Variants in TCF7L2 observed in about 807,000 individuals in gnomAD.
The protein encoded by TCF7L2 is transcription factor 7 like 2.
TCF7L2 carries 23 observed loss-of-function variants against 77.9 expected under a neutral mutation model. The ratio of observed to expected loss-of-function variants is 0.30; its 90% CI spans 0.21 to 0.42. The LOEUF is 0.42. TCF7L2 is among the 10% of genes least tolerant of loss of function. The probability of loss-of-function intolerance (pLI) is 1.00; values close to 1 mark genes in which losing one functional copy is unlikely to be tolerated. For synonymous variants in TCF7L2, 413 were observed against 340.2 expected (o/e 1.21, Z -2.36); for missense variants, 654 against 793.1 (o/e 0.82, Z 2.11).
chr10:113,110,196 A>G (rs889876889), intron 5 of TCF7L2, among the ~76,000 whole-genome samples: 23 of 152,318 alleles, frequency 1.5e-4, no homozygotes, highest in African/African-American at 4.8e-4. Context: ...TGCATTTTAA[A>G]AAATATTATC....
intron 5 of TCF7L2, among the ~76,000 whole-genome samples, chr10:113,134,762 C>T (rs2067150754): frequency 2.0e-5 from 3 of 152,154 alleles, no homozygotes; most frequent in African/African-American, 7.2e-5. Context: ...GAATGGTGTC[C>T]CTTCCTGATG....
chr10:113,125,204 G>A (rs1033161410), intron 5 of TCF7L2, among the ~76,000 whole-genome samples: 8 of 150,938 alleles, frequency 5.3e-5, no homozygotes, highest in African/African-American at 9.8e-5. Context: ...GGGACGAATC[G>A]CTCGTTCTCT....
intron 4 of TCF7L2, among the ~76,000 whole-genome samples, chr10:113,032,789 C>G (rs2050471644): frequency 6.6e-6 from 1 of 152,186 alleles, no homozygotes; most frequent in Non-Finnish European, 1.5e-5. Context: ...TTCCACCTTT[C>G]TGCCCATTTA....
chr10:112,952,879 C>G (rs1254146743), intron 3 of TCF7L2, among the ~76,000 whole-genome samples: 1 of 151,664 alleles, frequency 6.6e-6, no homozygotes, highest in African/African-American at 2.4e-5. Context: ...TCATCCCTCC[C>G]TCCCTCTTCT....
intron 4 of TCF7L2, among the ~76,000 whole-genome samples, chr10:113,025,086 C>T (rs1209703321): frequency 6.6e-6 from 1 of 152,070 alleles, no homozygotes; most frequent in South Asian, 2.1e-4. Flanking sequence ...GAGATAGGGT[C>T]TTGCTCTGTT....
Position 113,151,062 on chromosome 10 carries a change from A to G in TCF7L2, c.940A>G (p.Ile314Val). The G allele has an allele frequency of 6.2e-7, 1 of 1,614,200 alleles. No homozygotes were observed. The highest frequency in any genetic ancestry group is 8.5e-7 in the Non-Finnish European group (1 of 1,180,032). The change falls in exon 9 of 14, where the codon ATA becomes GTA. Residue 314 changes from isoleucine to valine, a missense_variant. Physicochemically the swap from Ile to Val is conservative, Grantham distance 29. Around this residue, in one of 6 missense-constraint regions of TCF7L2, gnomAD observed 179 missense variants for 270.6 expected, o/e 0.66. Coordinates refer to ENST00000627217, the MANE Select transcript of TCF7L2 (RefSeq NM_001146274.2). The surrounding 1 kb of genome is among the most constrained non-coding windows in gnomAD (Gnocchi z 5.2). ...CACGACGGGCATTCCGCATCCGGCC[A>G]TAGTCACACCAACAGTCAAACAGGA...
intron 5 of TCF7L2, among the ~76,000 whole-genome samples, chr10:113,056,615 G>A (rs1283023907): frequency 6.6e-6 from 1 of 152,120 alleles, no homozygotes; most frequent in Non-Finnish European, 1.5e-5. Context: ...TTTTGCCTAA[G>A]GAATTACATT....
intron 5 of TCF7L2, among the ~76,000 whole-genome samples, chr10:113,046,417 T>G (rs1230232763): frequency 6.6e-6 from 1 of 152,190 alleles, no homozygotes; most frequent in Non-Finnish European, 1.5e-5. Context: ...GGTGGTAGAC[T>G]GTTTCTTTTT....
intron 5 of TCF7L2, among the ~76,000 whole-genome samples, chr10:113,063,904 G>C (rs2056877211): frequency 6.6e-6 from 1 of 151,134 alleles, no homozygotes; most frequent in African/African-American, 2.4e-5. Flanking sequence ...GTGTGTGTGT[G>C]TGTGTGTGTG....
intron 4 of TCF7L2, among the ~76,000 whole-genome samples, chr10:112,967,849 G>C (rs1038795835): frequency 2.0e-5 from 3 of 151,986 alleles, no homozygotes; most frequent in Non-Finnish European, 4.4e-5. Context: ...TGGTCAGGCT[G>C]GTCTCGAACT....
chr10:113,023,281 T>C (rs2048532631), intron 4 of TCF7L2, among the ~76,000 whole-genome samples: 1 of 152,194 alleles, frequency 6.6e-6, no homozygotes. Flanking sequence ...TGTATTCACC[T>C]GCACCTGAGT....
chr10:113,153,946 G>A (rs996088900), intron 11 of TCF7L2, among the ~76,000 whole-genome samples: 4 of 152,174 alleles, frequency 2.6e-5, no homozygotes, highest in African/African-American at 9.7e-5. Context: ...AGGTGCCCCT[G>A]GCCATCTTTC....
At chr10:112,995,868 T>C (rs2043374316) in intron 4 of TCF7L2, among the ~76,000 whole-genome samples, 1 of 152,118 alleles carries the variant, frequency 6.6e-6, no homozygotes, top group Non-Finnish European at 1.5e-5. Flanking sequence ...GTCTGCAGCT[T>C]CATCTTCATT....
At chr10:112,976,561 C>T (rs1031054813) in intron 4 of TCF7L2, among the ~76,000 whole-genome samples, 3 of 152,104 alleles carry the variant, frequency 2.0e-5, no homozygotes, top group Admixed American at 6.6e-5. Flanking sequence ...CCTGGGACAT[C>T]GTAGGTGTAC....
intron 4 of TCF7L2, among the ~76,000 whole-genome samples, 192 bp downstream of exon 4, chr10:112,964,816 G>GTGGTGA (rs1331506565): frequency 6.8e-6 from 1 of 148,064 alleles, no homozygotes; most frequent in Non-Finnish European, 1.5e-5. Flanking sequence ...TGGTGGTGGG[G>GTGGTGA]GGGGGTTGAA....
At chr10:112,955,139 A>G (rs1564704917) in intron 3 of TCF7L2, among the ~76,000 whole-genome samples, 1 of 152,036 alleles carries the variant, frequency 6.6e-6, no homozygotes, top group Non-Finnish European at 1.5e-5. Flanking sequence ...CACTTTTCAA[A>G]GTGTGACATT....
At chr10:113,146,562 G>T (rs1007578083) in intron 8 of TCF7L2, among the ~76,000 whole-genome samples, 1 of 151,622 alleles carries the variant, frequency 6.6e-6, no homozygotes, top group Admixed American at 6.6e-5. Context: ...TAGAAATATA[G>T]TGTGAGCCAC....
chr10:113,030,692 C>T (rs1198168840), intron 4 of TCF7L2, among the ~76,000 whole-genome samples: 2 of 152,202 alleles, frequency 1.3e-5, no homozygotes, highest in African/African-American at 2.4e-5. Context: ...GAGCATTAGC[C>T]TGTCTTGCTC....
Position 113,165,996 on chromosome 10 carries a change from C to T in TCF7L2, c.*24C>T, listed in dbSNP as rs925412730. ...AGCTTTAGCGTCGTGAACCCCGCTG[C>T]TTTGTTTATGGTTTTGTTTCACTTT... On this transcript the variant is annotated 3_prime_UTR_variant, in exon 14 of 14. Coordinates refer to ENST00000627217, the MANE Select transcript of TCF7L2 (RefSeq NM_001146274.2). 14 of 1,465,254 alleles carry T rather than the reference C, an allele frequency of 9.6e-6. No individual in the cohort carries two copies. Among genetic ancestry groups the T allele is most frequent in the Non-Finnish European group, 1.1e-5 (12 of 1,105,614 alleles). The allele number at this position is 1,465,254 out of a possible 1,614,324, so 90.8% of individuals were successfully genotyped here.
Sources: gnomAD v4.1 joint callset for allele counts (sites outside exome capture counted in the v4.1 genomes callset) on GRCh38, gnomAD v4.1.1 for gene constraint, gnomAD v4.1.1 regional missense constraint, Gnocchi (gnomAD v3.1) non-coding constraint, MANE v1.5 for transcripts, NCBI Gene and HGNC (gene_info 2026-07-23, HGNC 2026-07-21) for gene names.